Variants in IL1RN observed in about 807,000 individuals in gnomAD.
The protein encoded by IL1RN is interleukin 1 receptor antagonist, also known as interleukin-1 receptor antagonist protein.
In IL1RN, 10 loss-of-function variants were observed where a neutral mutation model predicts 13.7. The ratio of observed to expected loss-of-function variants is 0.73; its 90% CI spans 0.45 to 1.24. The LOEUF is 1.24. Ranked by LOEUF, IL1RN falls within the 50% of genes most tolerant of loss-of-function variation. IL1RN has a pLI of 0.00. For synonymous variants in IL1RN, 102 were observed against 82.7 expected (o/e 1.23, Z -1.27); for missense variants, 213 against 222.1 (o/e 0.96, Z 0.26).
At chr2:113,120,550 A>G (rs1377303424) in intron 2 of IL1RN, among the ~76,000 whole-genome samples, 1 of 152,186 alleles carries the variant, frequency 6.6e-6, no homozygotes, top group Non-Finnish European at 1.5e-5. Context: ...TGAGTTTTTC[A>G]GGGACTGAGG....
chr2:113,126,068 G>T (rs1018614848), upstream of IL1RN, among the ~76,000 whole-genome samples: 2 of 152,182 alleles, frequency 1.3e-5, no homozygotes, highest in African/African-American at 4.8e-5. Context: ...CAAGTGCTGG[G>T]ATTACAGGTG....
upstream of IL1RN, among the ~76,000 whole-genome samples, chr2:113,106,178 T>TTTTC (rs1459882371): frequency 1.3e-5 from 2 of 152,228 alleles, no homozygotes; most frequent in Admixed American, 6.5e-5. Context: ...AATTTAGTAT[T>TTTTC]TTTCTTTCCA....
intron 2 of IL1RN, among the ~76,000 whole-genome samples, chr2:113,121,107 C>T (rs190361340): frequency 2.8e-5 from 4 of 144,918 alleles, no homozygotes; most frequent in African/African-American, 1.0e-4. Context: ...TCTTCCTCTT[C>T]CTCTTCTTCC....
At chr2:113,117,941 C>G (rs187090307) in exon 1 of IL1RN, 217 of 890,072 alleles carry the variant, frequency 2.4e-4, no homozygotes, top group Non-Finnish European at 1.9e-5. Flanking sequence ...TGCCCGGGTG[C>G]TACTTTATGG....
chr2:113,128,547 C>T (rs1687047622), intron 1 of IL1RN, among the ~76,000 whole-genome samples: 1 of 152,110 alleles, frequency 6.6e-6, no homozygotes, highest in Non-Finnish European at 1.5e-5. Context: ...GGTTGCCTCT[C>T]CCTGCTCTGA....
chr2:113,118,099 C>A, intron 1 of IL1RN: 1 of 1,611,496 alleles, frequency 6.2e-7, no homozygotes, highest in Non-Finnish European at 8.5e-7. Context: ...TGGTGTTTAT[C>A]AAATGCTTTC....
chr2:113,125,171 C>T (rs1267747494), upstream of IL1RN, among the ~76,000 whole-genome samples: 2 of 152,204 alleles, frequency 1.3e-5, no homozygotes, highest in African/African-American at 4.8e-5. Flanking sequence ...CTATCATAGT[C>T]AGGTGCTAGC....
At chr2:113,127,595 G>A, upstream of IL1RN, 1 of 1,612,422 alleles carries the variant, frequency 6.2e-7, no homozygotes, top group East Asian at 2.2e-5. Context: ...GGCCCGCAAT[G>A]GCAGTCCACT....
the IL1RN span, among the ~76,000 whole-genome samples, chr2:113,102,074 T>C: frequency 1.3e-5 from 2 of 152,154 alleles, no homozygotes; most frequent in Admixed American, 6.5e-5. Context: ...GCCCGAGACT[T>C]TTTTTCTTAA....
upstream of IL1RN, among the ~76,000 whole-genome samples, chr2:113,108,232 T>C (rs1415724499): frequency 6.6e-6 from 1 of 151,072 alleles, no homozygotes; most frequent in East Asian, 1.9e-4. Flanking sequence ...CCTTCTCTTA[T>C]CTTTTTTTTT....
chr2:113,127,974 T>A (rs1462844252), intron 1 of IL1RN, among the ~76,000 whole-genome samples: 1 of 152,218 alleles, frequency 6.6e-6, no homozygotes, highest in Non-Finnish European at 1.5e-5. Context: ...TCCCAGAGAC[T>A]CAGGAACCCA....
In IL1RN at chr2:113,119,917, C is replaced by T. The variant is rs781472582; in HGVS notation, c.11-149C>T. ...GAGAAAAGTTGACGGGGTGCATACT[C>T]GGACTGGAAACTGGAAGGGTGAGAA... On this transcript the variant is annotated intron_variant, in intron 1 of 5. Coordinates refer to the IL1RN transcript ENST00000259206. The T allele has an allele frequency of 7.0e-6, 5 of 714,906 alleles. No homozygotes were observed. The East Asian group carries it at 1.1e-4, about 16-fold the overall frequency. The allele number at this position is 714,906 out of a possible 1,614,324, so 44.3% of individuals were successfully genotyped here. A position where few individuals can be genotyped will look rare whatever the true frequency, so the allele number is the denominator to read the frequency against.
upstream of IL1RN, among the ~76,000 whole-genome samples, chr2:113,124,269 C>T (rs1396747356): frequency 6.6e-6 from 1 of 152,092 alleles, no homozygotes; most frequent in Non-Finnish European, 1.5e-5. Context: ...GACCCAGAAC[C>T]GAGAATAAGA....
chr2:113,127,132 A>G (rs1686989778), upstream of IL1RN, among the ~76,000 whole-genome samples: 1 of 152,208 alleles, frequency 6.6e-6, no homozygotes, highest in Admixed American at 6.5e-5. Context: ...CTCGTCCTTT[A>G]CAGAATGTTT....
chr2:113,109,985 C>T (rs1437414565), upstream of IL1RN, among the ~76,000 whole-genome samples: 14 of 152,166 alleles, frequency 9.2e-5, no homozygotes, highest in Admixed American at 9.2e-4. Flanking sequence ...GATTGATCCT[C>T]ACACCTCACC....
upstream of IL1RN, among the ~76,000 whole-genome samples, chr2:113,110,686 C>T (rs315928): frequency 0.14 from 21,946 of 152,230 alleles, 1,806 homozygotes; most frequent in Non-Finnish European, 0.19. Flanking sequence ...TCTCTTTGAA[C>T]CTTTGACTTG....
upstream of IL1RN, among the ~76,000 whole-genome samples, chr2:113,124,846 C>T (rs1686900407): frequency 1.3e-5 from 2 of 152,116 alleles, no homozygotes; most frequent in Non-Finnish European, 2.9e-5. Context: ...TGCATGTCGA[C>T]AAAGGACAGA....
upstream of IL1RN, among the ~76,000 whole-genome samples, chr2:113,108,642 GC>G (rs1212963116): frequency 6.6e-6 from 1 of 152,118 alleles, no homozygotes; most frequent in Non-Finnish European, 1.5e-5. Context: ...ATAGTCACAG[GC>G]CCAAGGGAAT....
At chr2:113,103,992 G>C (rs1445321928), upstream of IL1RN, among the ~76,000 whole-genome samples, 1 of 135,388 alleles carries the variant, frequency 7.4e-6, no homozygotes, top group African/African-American at 3.4e-5. Flanking sequence ...TGGCATCAAG[G>C]GGTGTTTTTT....
Sources: gnomAD v4.1 joint callset for allele counts (sites outside exome capture counted in the v4.1 genomes callset) on GRCh38, gnomAD v4.1.1 for gene constraint, MANE v1.5 for transcripts, NCBI Gene and HGNC (gene_info 2026-07-23, HGNC 2026-07-21) for gene names.